Variants in CHSY3 observed in about 807,000 individuals in gnomAD.
CHSY3 encodes N-acetylgalactosaminyl-proteoglycan 3-beta-glucuronosyltransferase 3.
In CHSY3, 35 loss-of-function variants were observed where a neutral mutation model predicts 67.2. The observed-to-expected ratio is 0.52, with a 90% CI of 0.40 to 0.69. The LOEUF (loss-of-function observed/expected upper bound fraction) is 0.69. CHSY3 is among the 30% of genes least tolerant of loss of function. CHSY3 has a pLI of 0.00. For missense variants in CHSY3, 1,069 were observed against 1,138.5 expected (o/e 0.94, Z 0.88); for synonymous variants, 474 against 434.7 (o/e 1.09, Z -1.12).
chr5:130,143,279 C>A (rs1768927018), intron 2 of CHSY3, among the ~76,000 whole-genome samples: 1 of 151,948 alleles, frequency 6.6e-6, no homozygotes, highest in Non-Finnish European at 1.5e-5. Flanking sequence ...AATAACCCTC[C>A]AGAGTAGGTT....
chr5:130,126,957 G>C (rs904622941), intron 2 of CHSY3, among the ~76,000 whole-genome samples: 8 of 152,122 alleles, frequency 5.3e-5, no homozygotes, highest in African/African-American at 1.9e-4. Context: ...CTCATGGCCT[G>C]TGTGGCTATG....
At chr5:130,039,533 G>A (rs1479345224) in intron 2 of CHSY3, among the ~76,000 whole-genome samples, 1 of 151,988 alleles carries the variant, frequency 6.6e-6, no homozygotes, top group Non-Finnish European at 1.5e-5. Context: ...CAAGATGATA[G>A]ATTAATGTGG....
chr5:129,910,128 G>T (rs1000889672), intron 2 of CHSY3, among the ~76,000 whole-genome samples: 1 of 151,868 alleles, frequency 6.6e-6, no homozygotes, highest in East Asian at 1.9e-4. Flanking sequence ...AAAGTGAAGA[G>T]AAGTTATATT....
chr5:130,086,251 C>G (rs1000089146), intron 2 of CHSY3, among the ~76,000 whole-genome samples: 32 of 152,074 alleles, frequency 2.1e-4, no homozygotes, highest in Non-Finnish European at 4.3e-4. Flanking sequence ...GTCTAAGTCT[C>G]TTTGTAGGTC....
rs146766944 is a variant in CHSY3, at chr5:130,122,612, G to A, written c.1087-61617G>A. Among the ~76,000 whole-genome samples, 13 of 152,300 alleles carry A rather than the reference G, an allele frequency of 8.5e-5. No individual in the cohort carries two copies. The East Asian group carries it at 1.4e-3, about 16-fold the overall frequency. On this transcript the variant is annotated intron_variant, in intron 2 of 2. Transcript: ENST00000305031. ...CAGACAGTCCCATAGTCAGGGATGCGCAACAGCCAGTGGTTTTGTGCTGTT... is the reference window on the plus strand; with the variant it reads ...CAGACAGTCCCATAGTCAGGGATGCACAACAGCCAGTGGTTTTGTGCTGTT...
At chr5:130,097,961 G>A (rs752632978) in intron 2 of CHSY3, among the ~76,000 whole-genome samples, 2 of 151,960 alleles carry the variant, frequency 1.3e-5, no homozygotes, top group Non-Finnish European at 2.9e-5. Flanking sequence ...CCGAGATCGC[G>A]CCCCTGCACT....
chr5:130,065,280 A>G (rs1724255716), intron 2 of CHSY3, among the ~76,000 whole-genome samples: 1 of 152,092 alleles, frequency 6.6e-6, no homozygotes, highest in Admixed American at 6.6e-5. Context: ...ATTTAGAACC[A>G]GCTTGAAAAA....
chr5:130,042,182 G>A (rs1263242431), intron 2 of CHSY3, among the ~76,000 whole-genome samples: 1 of 152,158 alleles, frequency 6.6e-6, no homozygotes, highest in Non-Finnish European at 1.5e-5. Flanking sequence ...GCTGCAGTGA[G>A]CTAAGATTAT....
At chr5:130,156,269 G>T (rs1207375114) in intron 2 of CHSY3, among the ~76,000 whole-genome samples, 1 of 152,144 alleles carries the variant, frequency 6.6e-6, no homozygotes, top group African/African-American at 2.4e-5. Flanking sequence ...AATGAGAGAG[G>T]AGTATGGATT....
At chr5:130,083,507 A>G (rs1361682575) in intron 2 of CHSY3, among the ~76,000 whole-genome samples, 3 of 152,052 alleles carry the variant, frequency 2.0e-5, no homozygotes, top group African/African-American at 7.2e-5. Context: ...AGCAGGCTTC[A>G]TTACCTAGCC....
chr5:130,135,296 A>C (rs550740330), intron 2 of CHSY3, among the ~76,000 whole-genome samples: 176 of 151,726 alleles, frequency 1.2e-3, no homozygotes, highest in African/African-American at 4.0e-3. Flanking sequence ...ACACACACAC[A>C]CCCTGTGCTG....
At chr5:129,966,878 A>G (rs937804501) in intron 2 of CHSY3, among the ~76,000 whole-genome samples, 3 of 151,858 alleles carry the variant, frequency 2.0e-5, no homozygotes, top group African/African-American at 7.3e-5. Context: ...TTGATGATCA[A>G]GTTGTCCCTC....
intron 2 of CHSY3, among the ~76,000 whole-genome samples, chr5:130,115,183 A>AT (rs1043455889): frequency 3.3e-5 from 5 of 151,640 alleles, no homozygotes; most frequent in East Asian, 1.9e-4. Context: ...ATTGCAGAGT[A>AT]TTTTTTTTCA....
Position 130,041,371 on chromosome 5 carries a change from T to TGTGCA in CHSY3, c.1086+133012_1086+133016dup, listed in dbSNP as rs1765002986. 3.3e-5 allele frequency among the ~76,000 whole-genome samples: 5 copies of TGTGCA among 152,222 alleles called. No homozygotes were observed. The South Asian group carries it at 8.3e-4, about 25-fold the overall frequency. ...AAGAGAGTGCTAACTCAGTAAGACATGTGCACCTGAAGCTGCCTCTAGGCA... is the reference window on the plus strand; with the variant it reads ...AAGAGAGTGCTAACTCAGTAAGACATGTGCAGTGCACCTGAAGCTGCCTCTAGGCA... On this transcript the variant is annotated intron_variant, in intron 2 of 2. Transcript: ENST00000305031.
rs542925851 is a variant in CHSY3 at position 130,022,560 on chromosome 5, C to T, written c.1086+114200C>T. ...ATTTATTCTGTCAATGACATCTTGC[C>T]TTCTTTTTGTGACCCTGTTTGATCA... On this transcript the variant is annotated intron_variant, in intron 2 of 2. Transcript: ENST00000305031. 9.3e-4 allele frequency among the ~76,000 whole-genome samples: 141 copies of T among 151,976 alleles called. 1 individual carries two copies. Among genetic ancestry groups the T allele is most frequent in the African/African-American group, 3.3e-3 (138 of 41,512 alleles).
Position 129,905,023 on chromosome 5 carries a change from A to T in CHSY3, c.194A>T (p.Gln65Leu). ...PRAGAQQPLP[Q>L]PQSRPRQEQS... The stretch of plus-strand genomic sequence containing the variant: ...GCCGGCGCTCAGCAGCCGCTCCCCC[A>T]GCCCCAGTCCCGACCACGGCAGGAG... Residue 65 changes from glutamine (Q) to leucine (L), a missense_variant, in exon 1 of 3, where the codon CAG (glutamine) becomes CTG (leucine). Physicochemically the swap from Gln to Leu is moderately radical, Grantham distance 113. Coordinates refer to ENST00000305031, the MANE Select transcript of CHSY3 (RefSeq NM_175856.5). 1 of 1,562,382 alleles carries T rather than the reference A, an allele frequency of 6.4e-7. No individual in the cohort carries two copies. Among genetic ancestry groups the T allele is most frequent in the South Asian group, 1.2e-5 (1 of 85,842 alleles).
At chr5:130,078,732 T>A (rs1368780748) in intron 2 of CHSY3, among the ~76,000 whole-genome samples, 2 of 152,146 alleles carry the variant, frequency 1.3e-5, no homozygotes, top group African/African-American at 4.8e-5. Flanking sequence ...CCTATTGACT[T>A]CATCAAAGCA....
At chr5:130,045,914 A>G (rs1765133308) in intron 2 of CHSY3, among the ~76,000 whole-genome samples, 1 of 152,030 alleles carries the variant, frequency 6.6e-6, no homozygotes, top group Non-Finnish European at 1.5e-5. Context: ...GCAAGGAGTA[A>G]AGGGAAGAAA....
chr5:129,957,528 T>G lies in CHSY3; in HGVS notation c.1086+49168T>G, dbSNP rs141056310. Among the ~76,000 whole-genome samples, 4 of 152,282 alleles carry G rather than the reference T, an allele frequency of 2.6e-5. No homozygotes were observed. In the East Asian group the frequency reaches 7.7e-4, roughly 29 times the overall value. ...GTGGGAGATAAACTGAATGAATGCC[T>G]GCAAGTATGAAAGTATCTGTAGTTT... On this transcript the variant is annotated intron_variant, in intron 2 of 2. Transcript: ENST00000305031.
Sources: gnomAD v4.1 joint callset for allele counts (sites outside exome capture counted in the v4.1 genomes callset) on GRCh38, gnomAD v4.1.1 for gene constraint, MANE v1.5 for transcripts, NCBI Gene and HGNC (gene_info 2026-07-23, HGNC 2026-07-21) for gene names.